The following OARD1 variants were observed in gnomAD, a reference collection of about 807,000 sequenced individuals.
OARD1 encodes O-acyl-ADP-ribose deacylase 1.
Under a neutral mutation model 19.7 loss-of-function variants are expected in OARD1, and 19 were observed. That is an observed-to-expected ratio of 0.96 (90% CI 0.67 to 1.41). The LOEUF (loss-of-function observed/expected upper bound fraction) is 1.41, where lower values mean the gene tolerates loss of function less well. Ranked by LOEUF, OARD1 falls within the 40% of genes most tolerant of loss-of-function variation. OARD1 has a pLI of 0.00. For synonymous variants in OARD1, 70 were observed against 61.8 expected, an observed-to-expected ratio of 1.13 and a Z score of -0.62; for missense variants, 190 against 183.8, an observed-to-expected ratio of 1.03 and a Z score of -0.20.
upstream of OARD1, among the ~76,000 whole-genome samples, chr6:41,073,313 G>A (rs1391231477): frequency 6.6e-6 from 1 of 151,730 alleles, no homozygotes; most frequent in Admixed American, 6.6e-5. Flanking sequence ...GGCGCCTCGG[G>A]GAGCAGGCAC....
intron 1 of OARD1, chr6:41,090,152 T>G: frequency 8.2e-7 from 1 of 1,220,628 alleles, no homozygotes; most frequent in Non-Finnish European, 1.2e-6. Flanking sequence ...ACATCGTTCT[T>G]TGTTAGTATC....
At chr6:41,088,448 T>C (rs1263713530) in intron 1 of OARD1, among the ~76,000 whole-genome samples, 1 of 144,000 alleles carries the variant, frequency 6.9e-6, no homozygotes, top group African/African-American at 2.7e-5. Context: ...AAAAAAAATT[T>C]ATTTTATAGT....
intron 1 of OARD1, among the ~76,000 whole-genome samples, chr6:41,096,078 A>G (rs1194102696): frequency 6.6e-6 from 1 of 152,186 alleles, no homozygotes; most frequent in East Asian, 1.9e-4. Flanking sequence ...TATACAGTAC[A>G]TGGTTAAAGT....
chr6:41,089,555 CT>C (rs752090137), intron 1 of OARD1: 6 of 1,590,998 alleles, frequency 3.8e-6, no homozygotes, highest in African/African-American at 2.7e-5. Flanking sequence ...GAGTACAATC[CT>C]TTTTTTATGT....
chr6:41,087,733 A>G (rs560412996), intron 1 of OARD1, among the ~76,000 whole-genome samples: 65 of 152,236 alleles, frequency 4.3e-4, no homozygotes, highest in African/African-American at 1.4e-3. Context: ...AAAAGTGTTC[A>G]CTAGTTATAT....
intron 4 of OARD1, 184 bp downstream of exon 4, chr6:41,069,892 G>A: frequency 3.0e-6 from 2 of 657,892 alleles, no homozygotes; most frequent in South Asian, 1.6e-5. Context: ...TTCTAACCCA[G>A]TGCTCCAAGT....
intron 1 of OARD1, chr6:41,090,123 AT>A (rs202114917): frequency 8.5e-3 from 6,783 of 797,668 alleles, no homozygotes; most frequent in Non-Finnish European, 9.7e-3. Flanking sequence ...CAAAAAAATA[AT>A]TTTTTTTTTT....
chr6:41,093,409 T>C (rs1764247442), intron 1 of OARD1, among the ~76,000 whole-genome samples: 2 of 152,158 alleles, frequency 1.3e-5, no homozygotes, highest in Non-Finnish European at 2.9e-5. Context: ...GTGCTGTTCA[T>C]GGTCCAAGAT....
chr6:41,089,840 C>A (rs1764153426), intron 1 of OARD1: 1 of 1,313,740 alleles, frequency 7.6e-7, no homozygotes, highest in Non-Finnish European at 1.0e-6. Flanking sequence ...ATATTTTTGG[C>A]CGGGCGCGGT....
Position 41,065,515 on chromosome 6 carries a change from A to C in OARD1, c.*1820T>G, listed in dbSNP as rs1297540668. 6.6e-6 allele frequency: 1 copy of C among 152,176 alleles called. No homozygotes were observed. The highest frequency in any genetic ancestry group is 1.5e-5 in the Non-Finnish European group (1 of 68,032). 9.4% of individuals were successfully genotyped at this position (152,176 alleles called of 1,614,324 possible). ...CCCACTCTCACTTTCAATTTTGTGTATTTAGATAATCTCTCCTTCCTTTTT... is the reference window on the plus strand; with the variant it reads ...CCCACTCTCACTTTCAATTTTGTGTCTTTAGATAATCTCTCCTTCCTTTTT... On this transcript the variant is annotated 3_prime_UTR_variant, in exon 6 of 6. Transcript: ENST00000424266.
intron 1 of OARD1, chr6:41,084,048 C>G (rs1763979047): frequency 6.3e-7 from 1 of 1,599,386 alleles, no homozygotes; most frequent in Non-Finnish European, 8.5e-7. Context: ...CATTCTAGGT[C>G]CAAGGGCAGC....
chr6:41,072,646 C>T (rs1371388918), upstream of OARD1: 1 of 152,340 alleles, frequency 6.6e-6, no homozygotes, highest in Non-Finnish European at 1.5e-5. Flanking sequence ...GGCGCTTGCG[C>T]ATTAGCCGCA....
upstream of OARD1, chr6:41,075,500 A>T (rs1401442167): frequency 6.6e-6 from 1 of 151,912 alleles, no homozygotes; most frequent in African/African-American, 2.4e-5. Flanking sequence ...ACCAGTCTGC[A>T]GAAGAATTTC....
intron 1 of OARD1, among the ~76,000 whole-genome samples, chr6:41,080,044 G>A (rs1763864918): frequency 1.3e-5 from 2 of 152,312 alleles, no homozygotes; most frequent in South Asian, 4.1e-4. Context: ...TCACACCAGT[G>A]CCCTGGAGGG....
In OARD1 at chr6:41,078,915, C is replaced by T. The variant is rs900053625; in HGVS notation, c.-41-7240G>A. The T allele has an allele frequency of 1.6e-5, 9 of 550,936 alleles. No homozygotes were observed. In the African/African-American group the frequency reaches 1.7e-4, roughly 10 times the overall value. 34.1% of individuals were successfully genotyped at this position (550,936 alleles called of 1,614,324 possible). ...ATACTGAATATAAGCATTTCCTATT[C>T]TCCTATCCTGTTTTCTTGCAAATAA... is the stretch of plus-strand genomic sequence containing the variant. On this transcript the variant is annotated intron_variant, in intron 1 of 4. Coordinates refer to the OARD1 transcript ENST00000480585.
At chr6:41,091,655 A>C in intron 1 of OARD1, 1 of 1,614,216 alleles carries the variant, frequency 6.2e-7, no homozygotes, top group Non-Finnish European at 8.5e-7. Flanking sequence ...TGACACTACC[A>C]GTGGCAGGCA....
intron 1 of OARD1, among the ~76,000 whole-genome samples, chr6:41,085,444 A>C (rs1764019494): frequency 6.6e-6 from 1 of 152,220 alleles, no homozygotes; most frequent in Non-Finnish European, 1.5e-5. Flanking sequence ...TTTAGTGGAA[A>C]TAATTTGCAG....
Position 41,071,505 on chromosome 6 carries a change from G to A in OARD1, c.39+91C>T, listed in dbSNP as rs918353071. On this transcript the variant is annotated intron_variant, in intron 2 of 5. Coordinates refer to ENST00000424266, the MANE Select transcript of OARD1 (RefSeq NM_001329686.2). ...TCAGCTAGAGAGAAAAAAAGATAAT[G>A]CAATCATTAATTTAATTAAAAAGTG... 4.3e-6 allele frequency: 5 copies of A among 1,176,134 alleles called. No individual in the cohort carries two copies. The African/African-American group carries it at 4.6e-5, about 11-fold the overall frequency. 72.9% of individuals were successfully genotyped at this position (1,176,134 alleles called of 1,614,324 possible). A position where few individuals can be genotyped will look rare whatever the true frequency, so the allele number is the denominator to read the frequency against.
intron 1 of OARD1, among the ~76,000 whole-genome samples, chr6:41,091,322 C>G (rs893317308): frequency 7.9e-5 from 12 of 152,268 alleles, no homozygotes; most frequent in Middle Eastern, 3.4e-3. Context: ...GGGACCTAGA[C>G]AGTTAATAGA....
Sources: gnomAD v4.1 joint callset for allele counts (sites outside exome capture counted in the v4.1 genomes callset) on GRCh38, gnomAD v4.1.1 for gene constraint, MANE v1.5 for transcripts, NCBI Gene and HGNC (gene_info 2026-07-23, HGNC 2026-07-21) for gene names.